The following TADA3 variants were observed in gnomAD, a reference collection of about 807,000 sequenced individuals.
TADA3 encodes transcriptional adaptor 3.
TADA3 carries 25 observed loss-of-function variants against 43.2 expected under a neutral mutation model. The observed-to-expected ratio is 0.58, with a 90% CI of 0.42 to 0.81. The LOEUF (loss-of-function observed/expected upper bound fraction) is 0.81, where lower values mean the gene tolerates loss of function less well. Ranked by LOEUF, TADA3 falls within the 30% of genes least tolerant of loss-of-function variation. The pLI is 0.00. For synonymous variants in TADA3, 235 were observed against 225.5 expected, an observed-to-expected ratio of 1.04 and a Z score of -0.38; for missense variants, 441 against 567.8, an observed-to-expected ratio of 0.78 and a Z score of 2.27.
chr3:9,789,809 G>T lies in TADA3; in HGVS notation c.362C>A (p.Pro121His), dbSNP rs2078694687. The T allele has an allele frequency of 1.2e-6, 2 of 1,614,172 alleles. No homozygotes were observed. The change falls in exon 3 of 9, where the codon CCC (proline) becomes CAC (histidine). Residue 121 changes from proline to histidine, a missense_variant. Coordinates refer to ENST00000301964, the MANE Select transcript of TADA3 (RefSeq NM_006354.5). ...GHGPGPGPGRPKSKNLQPKIQ... is the reference protein window; with the variant it reads ...GHGPGPGPGRHKSKNLQPKIQ... ...CTTGGGCTGAAGGTTTTTGGATTTG[G>T]GCCGTCCTGGGCCAGGGCCCGGCCC...
Position 9,780,448 on chromosome 3 carries a change from T to G in TADA3, c.1208A>C (p.Gln403Pro). The change falls in exon 9 of 9, where the codon CAG becomes CCG. Residue 403 changes from glutamine (Q) to proline (P), a missense_variant. Gln to Pro is a moderately conservative substitution (Grantham distance 76). Transcript: ENST00000301964. ...DAFRKIMAAR[Q>P]KKRTPTKKEK... is the part of the protein sequence containing the mutation. ...TTTCTTGGTGGGAGTCCGCTTCTTC[T>G]GCCGGGCAGCCATGATCTTGCGAAA... The G allele has an allele frequency of 6.2e-7, 1 of 1,612,402 alleles. No individual in the cohort carries two copies. The highest frequency in any genetic ancestry group is 8.5e-7 in the Non-Finnish European group (1 of 1,179,858).
chr3:9,790,267 A>G (rs929511240), intron 2 of TADA3, among the ~76,000 whole-genome samples: 1 of 152,198 alleles, frequency 6.6e-6, no homozygotes, highest in Non-Finnish European at 1.5e-5. Flanking sequence ...GCAAACCTTC[A>G]CTTCGATGTC....
intron 2 of TADA3, among the ~76,000 whole-genome samples, chr3:9,790,267 A>C (rs929511240): frequency 1.3e-5 from 2 of 152,198 alleles, no homozygotes; most frequent in Non-Finnish European, 2.9e-5. Flanking sequence ...GCAAACCTTC[A>C]CTTCGATGTC....
At chr3:9,787,378 C>A in intron 4 of TADA3, 38 bp from the exon 5 acceptor site, 1 of 1,571,060 alleles carries the variant, frequency 6.4e-7, no homozygotes. Flanking sequence ...AGTGGGTAAG[C>A]ACTGGCCAGC....
intron 6 of TADA3, among the ~76,000 whole-genome samples, chr3:9,786,105 A>G (rs1271329787): frequency 2.6e-5 from 4 of 151,840 alleles, no homozygotes; most frequent in African/African-American, 4.8e-5. Flanking sequence ...TGCCCGGCTA[A>G]TTTTTTTGTA....
rs777816154 is a variant in TADA3, at chr3:9,786,989, T to C, written c.810+17A>G. 1.2e-5 allele frequency: 19 copies of C among 1,604,172 alleles called. No individual in the cohort carries two copies. The South Asian group carries it at 2.1e-4, about 18-fold the overall frequency. The stretch of plus-strand genomic sequence containing the variant: ...CACAAAGTAAATATGGTTCCTCTTT[T>C]GGGTTAGGCTGCTCACCTCCACCAG... On this transcript the variant is annotated intron_variant, in intron 6 of 8. Coordinates refer to ENST00000301964, the MANE Select transcript of TADA3 (RefSeq NM_006354.5).
rs2078428180 is a variant in TADA3, at chr3:9,780,261, A to G, written c.*96T>C. 7.5e-7 allele frequency: 1 copy of G among 1,342,270 alleles called. No homozygotes were observed. The highest frequency in any genetic ancestry group is 1.0e-6 in the Non-Finnish European group (1 of 982,584). The allele number at this position is 1,342,270 out of a possible 1,614,324, so 83.1% of individuals were successfully genotyped here. On this transcript the variant is annotated 3_prime_UTR_variant, in exon 9 of 9. Transcript: ENST00000301964. ...TCTAGAGACTGCCGCCATTTGAGGG[A>G]CAGCCACAGGCCAATGTTTCCTGTG... is the stretch of plus-strand genomic sequence containing the variant.
At chr3:9,781,755 C>T (rs779069451) in intron 8 of TADA3, among the ~76,000 whole-genome samples, 1 of 151,782 alleles carries the variant, frequency 6.6e-6, no homozygotes, top group Non-Finnish European at 1.5e-5. Flanking sequence ...TAAGGCCTTG[C>T]AGCTGCTCTG....
At chr3:9,788,174 ATT>A (rs1429662283) in intron 4 of TADA3, 2 of 154,040 alleles carry the variant, frequency 1.3e-5, no homozygotes, top group Non-Finnish European at 2.9e-5. Context: ...CTCCCTCAAC[ATT>A]TTTCTGTATT....
In TADA3 at chr3:9,787,085, G is replaced by T. The variant is rs1243428966; in HGVS notation, c.731C>A (p.Ser244Tyr). The T allele has an allele frequency of 6.2e-7, 1 of 1,614,248 alleles. No individual in the cohort carries two copies. The highest frequency in any genetic ancestry group is 1.1e-5 in the South Asian group (1 of 91,082). Residue 244 changes from serine to tyrosine, a missense_variant, in exon 6 of 9, where the codon TCT (serine) becomes TAT (tyrosine). Ser to Tyr is a moderately radical substitution (Grantham distance 144). Coordinates refer to ENST00000301964, the MANE Select transcript of TADA3 (RefSeq NM_006354.5). ...TKDVDALLKK[S>Y]EAQHEQPEDG... The stretch of plus-strand genomic sequence containing the variant: ...TTCCGGCTGTTCATGCTGGGCCTCA[G>T]ACTTCTTCAGCAGGGCATCCACATC...
intron 2 of TADA3, among the ~76,000 whole-genome samples, chr3:9,790,210 G>A (rs2078700255): frequency 6.6e-6 from 1 of 152,028 alleles, no homozygotes; most frequent in Admixed American, 6.6e-5. Context: ...ATTCACTTCT[G>A]TATCACCCAT....
chr3:9,780,083 A>G lies in TADA3; in HGVS notation c.*274T>C, dbSNP rs1421082070. On this transcript the variant is annotated 3_prime_UTR_variant, in exon 9 of 9. Transcript: ENST00000301964. ...GGGGATTAGGGAGTGGGGGATGGTA[A>G]AGAGGGGAAGAGGAAGACCCAGAAA... is the stretch of plus-strand genomic sequence containing the variant. 3 of 357,158 alleles carry G rather than the reference A, an allele frequency of 8.4e-6. No homozygotes were observed. The highest frequency in any genetic ancestry group is 1.5e-5 in the Non-Finnish European group (3 of 197,602). The allele number at this position is 357,158 out of a possible 1,614,324, so 22.1% of individuals were successfully genotyped here.
intron 4 of TADA3, among the ~76,000 whole-genome samples, chr3:9,789,158 G>A (rs1575307928): frequency 2.6e-5 from 4 of 152,298 alleles, no homozygotes. Context: ...CTTAAAGAAA[G>A]AAGAAAGGTT....
upstream of TADA3, chr3:9,792,917 A>G (rs1007382335): frequency 2.0e-5 from 28 of 1,398,624 alleles, no homozygotes; most frequent in Admixed American, 6.9e-4. Flanking sequence ...CTCGAGTGCA[A>G]GAATTTAAAA....
At position 9,789,511 on chromosome 3, in the gene TADA3, T is replaced by C; in HGVS notation, c.562A>G (p.Lys188Glu). Reference protein sequence around the residue: ...KPPEDEAEHYKIPPLGKHYSQ... With the variant: ...KPPEDEAEHYEIPPLGKHYSQ... ...CTATCAAGGCCCAGAGTTTCTACCT[T>C]GTAATGCTCAGCCTCATCTTCTGGG... The change falls in exon 4 of 9, where the codon AAG becomes GAG. Residue 188 changes from lysine to glutamate, a missense_variant and splice_region_variant. Coordinates refer to ENST00000301964, the MANE Select transcript of TADA3 (RefSeq NM_006354.5). 6.2e-7 allele frequency: 1 copy of C among 1,613,758 alleles called. No individual in the cohort carries two copies. Among genetic ancestry groups the C allele is most frequent in the South Asian group, 1.1e-5 (1 of 91,060 alleles).
At chr3:9,789,445 A>G in intron 4 of TADA3, 64 bp downstream of exon 4, 1 of 1,461,208 alleles carries the variant, frequency 6.8e-7, no homozygotes, top group Non-Finnish European at 9.5e-7. Flanking sequence ...TGGTAGCTTT[A>G]CTTCTCAGGC....
intron 8 of TADA3, chr3:9,783,793 A>G (rs1459791459): frequency 1.4e-6 from 1 of 729,212 alleles, no homozygotes; most frequent in African/African-American, 1.8e-5. Flanking sequence ...AAAACAAAAC[A>G]AAAACAAATC....
chr3:9,790,012 A>C (rs375892705), intron 2 of TADA3, 49 bp from the exon 3 acceptor site: 1 of 1,532,184 alleles, frequency 6.5e-7, no homozygotes, highest in Non-Finnish European at 8.8e-7. Flanking sequence ...AAAACACAGA[A>C]TATCTCTTTC....
At chr3:9,782,169 T>C (rs999809977) in intron 8 of TADA3, among the ~76,000 whole-genome samples, 2 of 152,178 alleles carry the variant, frequency 1.3e-5, no homozygotes, top group African/African-American at 4.8e-5. Flanking sequence ...TGCACATGCC[T>C]GCTTTTCTCT....
Sources: allele counts gnomAD v4.1 joint callset (sites outside exome capture counted in the v4.1 genomes callset), GRCh38; gene constraint gnomAD v4.1.1; transcripts MANE v1.5; gene names NCBI Gene and HGNC (gene_info 2026-07-23, HGNC 2026-07-21).